The following DMD variants were observed in gnomAD, a reference collection of about 807,000 sequenced individuals.
DMD encodes dystrophin.
DMD carries 63 observed loss-of-function variants against 330.1 expected under a neutral mutation model. That is an observed-to-expected ratio of 0.19 (90% CI 0.16 to 0.24). The LOEUF is 0.24. Ranked by LOEUF, DMD falls within the 10% of genes least tolerant of loss-of-function variation. The pLI is 1.00. For missense variants in DMD, 3,344 were observed against 2,684.1 expected (o/e 1.25, Z -5.43); for synonymous variants, 1,223 against 959.8 (o/e 1.27, Z -5.07).
At chrX:31,578,643 C>G (rs1443458817) in intron 55 of DMD, among the ~76,000 whole-genome samples, 1 of 111,597 alleles carries the variant, frequency 9.0e-6, no homozygotes, top group East Asian at 2.8e-4. Flanking sequence ...CATCAGAAAG[C>G]AAGATTTTTG....
intron 1 of DMD, among the ~76,000 whole-genome samples, chrX:33,333,652 G>A (rs1470671340): frequency 9.0e-6 from 1 of 110,617 alleles, no homozygotes. Flanking sequence ...AATATTTGGT[G>A]GTAAATTCAG....
chrX:32,380,754 A>T, intron 33 of DMD, 74 bp from the exon 34 acceptor site: 2 of 832,745 alleles, frequency 2.4e-6, no homozygotes, highest in Non-Finnish European at 3.5e-6. Flanking sequence ...CTTATTTGGA[A>T]CTTTTATATT....
intron 25 of DMD, among the ~76,000 whole-genome samples, chrX:32,461,001 C>G (rs1254608543): frequency 9.0e-6 from 1 of 111,666 alleles, no homozygotes; most frequent in Non-Finnish European, 1.9e-5. Context: ...GATTTTTAAA[C>G]TTATATACAT....
At chrX:32,090,609 G>A (rs1025774736) in intron 44 of DMD, among the ~76,000 whole-genome samples, 1 of 111,800 alleles carries the variant, frequency 8.9e-6, no homozygotes, top group East Asian at 2.8e-4. Flanking sequence ...CATGAAGTCC[G>A]TTTCATGATC....
chrX:31,494,275 TTTAG>T (rs1214943153), intron 57 of DMD, among the ~76,000 whole-genome samples: 15 of 111,027 alleles, frequency 1.4e-4, no homozygotes, highest in African/African-American at 4.9e-4. Context: ...TGAGAAAATA[TTTAG>T]TTAGAGTCTC....
At chrX:31,286,100 T>C (rs939355171) in intron 62 of DMD, among the ~76,000 whole-genome samples, 1 of 112,263 alleles carries the variant, frequency 8.9e-6, no homozygotes. Context: ...TTTCATATTT[T>C]GATGCTGTTT....
chrX:32,787,213 AGTGTGT>A lies in DMD; in HGVS notation c.649+22274_649+22279del, dbSNP rs72078806. ...CAACTGTGAATCAATCTCTCTGTCA[AGTGTGT>A]GTGTGTGTGTGTGTGTGTGTGTGTG... is the stretch of plus-strand genomic sequence containing the variant. On this transcript the variant is annotated intron_variant, in intron 7 of 78. Coordinates refer to ENST00000357033, the MANE Select transcript of DMD (RefSeq NM_004006.3). 1.7e-3 allele frequency among the ~76,000 whole-genome samples: 139 copies of A among 83,361 alleles called. 1 individual carries two copies. In the East Asian group the frequency reaches 0.018, roughly 11 times the overall value. The allele number at this position is 83,361 out of a possible 115,157, so 72.4% of individuals were successfully genotyped here. A position where few individuals can be genotyped will look rare whatever the true frequency, so the allele number is the denominator to read the frequency against.
At chrX:31,704,557 GTTA>G (rs1460380381) in intron 52 of DMD, among the ~76,000 whole-genome samples, 1 of 111,892 alleles carries the variant, frequency 8.9e-6, no homozygotes, top group East Asian at 2.8e-4. Flanking sequence ...AGGTATGATT[GTTA>G]TTTTCTTTAA....
At chrX:33,009,307 CAT>C (rs1491150931) in intron 2 of DMD, among the ~76,000 whole-genome samples, 4 of 24,623 alleles carry the variant, frequency 1.6e-4, no homozygotes, top group East Asian at 1.9e-3. Flanking sequence ...TGTATATACA[CAT>C]GTGTGTATAT....
intron 47 of DMD, among the ~76,000 whole-genome samples, chrX:31,889,403 T>C (rs750966410): frequency 9.0e-6 from 1 of 110,559 alleles, no homozygotes; most frequent in Non-Finnish European, 1.9e-5. Context: ...AGCCCTTTAA[T>C]GGCTCCTGGA....
chrX:32,913,434 G>C (rs776826248), intron 2 of DMD, among the ~76,000 whole-genome samples: 1 of 111,833 alleles, frequency 8.9e-6, no homozygotes, highest in Non-Finnish European at 1.9e-5. Flanking sequence ...CAGGCTATAG[G>C]GCTTTTCGAT....
intron 7 of DMD, among the ~76,000 whole-genome samples, chrX:32,761,061 A>G (rs1830158953): frequency 9.0e-6 from 1 of 111,518 alleles, no homozygotes; most frequent in African/African-American, 3.3e-5. Flanking sequence ...ATGCCTTTTT[A>G]TTTGAACTCT....
upstream of DMD, among the ~76,000 whole-genome samples, chrX:33,215,279 T>C (rs1407988592): frequency 9.4e-6 from 1 of 105,886 alleles, no homozygotes; most frequent in Admixed American, 1.0e-4. Flanking sequence ...GAGCCGAGAC[T>C]GTGCCACTGC....
intron 55 of DMD, among the ~76,000 whole-genome samples, chrX:31,620,162 T>C (rs1318260160): frequency 1.8e-5 from 2 of 111,837 alleles, no homozygotes; most frequent in Admixed American, 1.9e-4. Flanking sequence ...CTGAGCATTA[T>C]AGTCAGAGGT....
rs144253528 is a variant in DMD, at chrX:31,656,829, C to T, written c.8027+1161G>A. Among the ~76,000 whole-genome samples, 473 of 111,488 alleles carry T rather than the reference C, an allele frequency of 4.2e-3. 3 individuals are homozygous for T. The highest frequency in any genetic ancestry group is 0.014 in the African/African-American group (440 of 30,717). The stretch of plus-strand genomic sequence containing the variant: ...TCATAGGGCTCCAATTAAAACTTCC[C>T]AACTTTAGGTTGAATCTTCTTTTCC... On this transcript the variant is annotated intron_variant, in intron 54 of 78. Transcript: ENST00000357033.
chrX:31,961,478 A>G (rs1249409483), intron 45 of DMD, among the ~76,000 whole-genome samples: 3 of 112,071 alleles, frequency 2.7e-5, no homozygotes, highest in Admixed American at 9.5e-5. Flanking sequence ...AGATAACAAT[A>G]AGAGAGTCCT....
chrX:31,734,402 C>G (rs1017869178), intron 51 of DMD, among the ~76,000 whole-genome samples: 4 of 111,150 alleles, frequency 3.6e-5, no homozygotes, highest in Non-Finnish European at 7.6e-5. Context: ...ACTCTATATT[C>G]AGAGTATGAC....
chrX:33,338,494 A>AATGC (rs1555910278), intron 1 of DMD, among the ~76,000 whole-genome samples: 1 of 108,507 alleles, frequency 9.2e-6, no homozygotes, highest in Admixed American at 9.8e-5. Context: ...TAAATAAATA[A>AATGC]ATGCTCACAT....
At chrX:32,892,787 A>G (rs775175359) in intron 2 of DMD, among the ~76,000 whole-genome samples, 1 of 112,056 alleles carries the variant, frequency 8.9e-6, no homozygotes. Context: ...ATTGTTTCCC[A>G]GCTCAGGCCT....
Sources: gnomAD v4.1 joint callset for allele counts (sites outside exome capture counted in the v4.1 genomes callset) on GRCh38, gnomAD v4.1.1 for gene constraint, MANE v1.5 for transcripts, NCBI Gene and HGNC (gene_info 2026-07-23, HGNC 2026-07-21) for gene names.